BOC: variants seen among roughly 807,000 people sequenced by gnomAD.
BOC encodes brother of CDO.
Under a neutral mutation model 112.0 loss-of-function variants are expected in BOC, and 76 were observed. That is an observed-to-expected ratio of 0.68 (90% CI 0.56 to 0.82). BOC has a LOEUF of 0.82. Ranked by LOEUF, BOC falls within the 40% of genes least tolerant of loss-of-function variation. The probability of loss-of-function intolerance (pLI) is 0.00; values close to 1 mark genes in which losing one functional copy is unlikely to be tolerated. For synonymous variants in BOC, 580 were observed against 599.8 expected (o/e 0.97, Z 0.48); for missense variants, 1,309 against 1,511.7 (o/e 0.87, Z 2.22).
At chr3:113,215,446 A>C (rs1939171473) in intron 1 of BOC, among the ~76,000 whole-genome samples, 2 of 152,204 alleles carry the variant, frequency 1.3e-5, no homozygotes, top group South Asian at 4.1e-4. Context: ...AAACCACTGA[A>C]CTAATCTATT....
At chr3:113,231,713 G>A (rs932962350) in intron 2 of BOC, among the ~76,000 whole-genome samples, 2 of 152,018 alleles carry the variant, frequency 1.3e-5, no homozygotes, top group Non-Finnish European at 2.9e-5. Context: ...AATTATTTTC[G>A]GTGGCATATT....
intron 2 of BOC, among the ~76,000 whole-genome samples, chr3:113,219,687 T>G (rs1940201676): frequency 6.6e-6 from 1 of 152,218 alleles, no homozygotes; most frequent in South Asian, 2.1e-4. Context: ...TAAGACTTGC[T>G]GTTAAGAGAC....
chr3:113,232,144 C>T (rs1053071522), intron 2 of BOC, among the ~76,000 whole-genome samples: 1 of 152,176 alleles, frequency 6.6e-6, no homozygotes, highest in Non-Finnish European at 1.5e-5. Flanking sequence ...TCTCCAATTC[C>T]CCACACTTTG....
At chr3:113,285,683 C>A in intron 19 of BOC, 118 bp downstream of exon 19, 2 of 1,042,250 alleles carry the variant, frequency 1.9e-6, no homozygotes, top group Non-Finnish European at 2.7e-6. Flanking sequence ...CCAGCCACAG[C>A]ATTTATGTGG....
intron 2 of BOC, among the ~76,000 whole-genome samples, chr3:113,241,592 G>C (rs1319438058): frequency 6.6e-6 from 1 of 152,208 alleles, no homozygotes; most frequent in East Asian, 1.9e-4. Context: ...AAGAAAAAAG[G>C]AGGAAAAACA....
chr3:113,228,955 ATG>A (rs147575532), intron 2 of BOC, among the ~76,000 whole-genome samples: 1 of 151,960 alleles, frequency 6.6e-6, no homozygotes, highest in East Asian at 1.9e-4. Flanking sequence ...TGCATGATGT[ATG>A]TGTGTGTGTG....
Position 113,283,479 on chromosome 3 carries a change from C to T in BOC, c.2503C>T (p.Pro835Ser). ...TCTGGCCCCACCACAGCCGCCCCTT[C>T]CTGAAACCATAGAGCGGCCGGTGGG... ...PTLAPPQPPL[P>S]ETIERPVGTG... Residue 835 changes from proline to serine, a missense_variant, in exon 16 of 20, where the codon CCT becomes TCT. Coordinates refer to ENST00000682979, the MANE Select transcript of BOC (RefSeq NM_001378074.1). The T allele has an allele frequency of 1.2e-6, 2 of 1,614,126 alleles. No homozygotes were observed. The highest frequency in any genetic ancestry group is 1.7e-6 in the Non-Finnish European group (2 of 1,180,000).
chr3:113,276,619 C>T (rs978737862), intron 9 of BOC, among the ~76,000 whole-genome samples: 7 of 152,220 alleles, frequency 4.6e-5, no homozygotes, highest in African/African-American at 1.7e-4. Context: ...TTTCATCCCC[C>T]TTCTCTTGCT....
rs369203280 is a variant in BOC at position 113,273,214 on chromosome 3, C to T, written c.1107C>T (p.Leu369=). 1 of 1,613,762 alleles carries T rather than the reference C, an allele frequency of 6.2e-7. No homozygotes were observed. Among genetic ancestry groups the T allele is most frequent in the Non-Finnish European group, 8.5e-7 (1 of 1,180,008 alleles). Residue 369 remains leucine (L), a synonymous_variant, in exon 8 of 20, where the codon CTC becomes CTT. Transcript: ENST00000682979. ...TGCCCCTCATCTCCAGCCAGCGCCT[C>T]CGGCTCTCCCGCAGGGCCCTGCGCG... is the stretch of plus-strand genomic sequence containing the variant. The part of the protein sequence containing the change: ...NAVPLISSQR[L]RLSRRALRVL...
intron 15 of BOC, among the ~76,000 whole-genome samples, chr3:113,281,976 C>T (rs1431421141): frequency 6.6e-6 from 1 of 152,104 alleles, no homozygotes; most frequent in Non-Finnish European, 1.5e-5. Flanking sequence ...AGGGAGTGCC[C>T]AGAGGGAGGA....
chr3:113,270,809 C>G lies in BOC; in HGVS notation c.532C>G (p.Leu178Val). ...CCCTGCCCTTTCCACAGGTAACTAC[C>G]TGATCATGCCCTCAGGGAACCTCCA... Reference protein sequence around the residue: ...EWLEASRGNYLIMPSGNLQIV... With the variant: ...EWLEASRGNYVIMPSGNLQIV... Residue 178 changes from leucine (L) to valine (V), a missense_variant, in exon 6 of 20, where the codon CTG becomes GTG. By Grantham distance (32) the Leu-to-Val change is conservative. Coordinates refer to ENST00000682979, the MANE Select transcript of BOC (RefSeq NM_001378074.1). The G allele has an allele frequency of 1.2e-6, 2 of 1,611,670 alleles. No individual in the cohort carries two copies. Among genetic ancestry groups the G allele is most frequent in the African/African-American group, 1.3e-5 (1 of 74,996 alleles).
chr3:113,262,049 A>G (rs989807618), intron 4 of BOC: 6 of 152,102 alleles, frequency 3.9e-5, no homozygotes, highest in African/African-American at 9.7e-5. Context: ...CCTTGCTTTC[A>G]TCAGAAAGTG....
chr3:113,222,309 A>G lies in BOC; in HGVS notation c.-82+6035A>G, dbSNP rs1940846370. 2.0e-5 allele frequency among the ~76,000 whole-genome samples: 3 copies of G among 152,144 alleles called. No individual in the cohort carries two copies. In the South Asian group the frequency reaches 6.2e-4, roughly 32 times the overall value. On this transcript the variant is annotated intron_variant, in intron 2 of 19. Transcript: ENST00000682979. ...TTTTTTTTCATTTTTGCTAGTTTGC[A>G]GGCCTTTTCTGAATCTCAAAAGCGA...
intron 16 of BOC, 79 bp downstream of exon 16, chr3:113,283,711 G>C: frequency 1.4e-6 from 2 of 1,381,068 alleles, no homozygotes; most frequent in Non-Finnish European, 2.0e-6. Context: ...GCCTAGGTCT[G>C]TGTCCATGGA....
upstream of BOC, chr3:113,211,245 G>T (rs370738734): frequency 8.5e-5 from 13 of 152,496 alleles, no homozygotes; most frequent in East Asian, 1.9e-3. Context: ...TGAAGCTAAA[G>T]AGAAAGTGAA....
intron 19 of BOC, among the ~76,000 whole-genome samples, chr3:113,285,938 C>G (rs996136638): frequency 2.6e-5 from 4 of 152,204 alleles, no homozygotes; most frequent in Non-Finnish European, 5.9e-5. Flanking sequence ...TCTGAAATGC[C>G]TTGCTTTGTT....
chr3:113,284,983 ACAAT>A, intron 18 of BOC, 125 bp downstream of exon 18: 1 of 800,700 alleles, frequency 1.2e-6, no homozygotes, highest in Non-Finnish European at 2.1e-6. Flanking sequence ...CCCGTGACTG[ACAAT>A]CATGCTCCTC....
Position 113,284,550 on chromosome 3 carries a change from C to G in BOC, c.2872C>G (p.Pro958Ala). Residue 958 changes from proline to alanine, a missense_variant, in exon 17 of 20, where the codon CCA (proline) becomes GCA (alanine). Physicochemically the swap from Pro to Ala is conservative, Grantham distance 27. Transcript: ENST00000682979. ...YPGMKPQQHC[P>A]GELQQQSDTS... ...GGGCATGAAGCCCCAGCAGCACTGC[C>G]CAGGCGAGCTTCAGCAGGTAGCGCA... is the stretch of plus-strand genomic sequence containing the variant. 1 of 1,613,106 alleles carries G rather than the reference C, an allele frequency of 6.2e-7. No individual in the cohort carries two copies. The highest frequency in any genetic ancestry group is 1.7e-4 in the Middle Eastern group (1 of 6,052).
At chr3:113,264,599 C>T (rs962913815) in intron 4 of BOC, among the ~76,000 whole-genome samples, 1 of 152,224 alleles carries the variant, frequency 6.6e-6, no homozygotes, top group African/African-American at 2.4e-5. Flanking sequence ...CTCTCTGCAT[C>T]TGCCCCATCT....
Sources: gnomAD v4.1 joint callset for allele counts (sites outside exome capture counted in the v4.1 genomes callset) on GRCh38, gnomAD v4.1.1 for gene constraint, MANE v1.5 for transcripts, NCBI Gene and HGNC (gene_info 2026-07-23, HGNC 2026-07-21) for gene names.